Variants in MIER1 observed in about 807,000 individuals in gnomAD.
The protein encoded by MIER1 is MIER1 transcriptional regulator.
A neutral mutation model predicts 75.7 loss-of-function variants in MIER1; 40 were observed. The observed-to-expected ratio is 0.53, with a 90% CI of 0.41 to 0.69. The LOEUF is 0.69. MIER1 is among the 30% of genes least tolerant of loss of function. MIER1 has a pLI of 0.00. For synonymous variants in MIER1, 213 were observed against 223.4 expected, an observed-to-expected ratio of 0.95 and a Z score of 0.42; for missense variants, 574 against 680.2, an observed-to-expected ratio of 0.84 and a Z score of 1.74.
At chr1:66,938,766 C>T (rs1235978744) in intron 2 of MIER1, among the ~76,000 whole-genome samples, 1 of 152,048 alleles carries the variant, frequency 6.6e-6, no homozygotes, top group African/African-American at 2.4e-5. Flanking sequence ...ATATGCAATA[C>T]TGGTTATTGT....
In MIER1 at chr1:66,973,001, GATA is replaced by G. The variant is rs750756685; in HGVS notation, c.1101+13_1101+15del. ...GATTCAGGCTAATAAAGTAAGTAAT[GATA>G]ATCTCTTTTTTGCAAAAAGAAATTT... On this transcript the variant is annotated intron_variant, in intron 11 of 13. Transcript: ENST00000401041. The G allele has an allele frequency of 2.0e-6, 3 of 1,507,738 alleles. No individual in the cohort carries two copies. Among genetic ancestry groups the G allele is most frequent in the Non-Finnish European group, 1.8e-6 (2 of 1,087,130 alleles). 93.4% of individuals were successfully genotyped at this position (1,507,738 alleles called of 1,614,324 possible). A position where few individuals can be genotyped will look rare whatever the true frequency, so the allele number is the denominator to read the frequency against.
chr1:66,946,161 A>G lies in MIER1; in HGVS notation c.205A>G (p.Thr69Ala). The change falls in exon 4 of 14, where the codon ACA (threonine) becomes GCA (alanine). Residue 69 changes from threonine (T) to alanine (A), a missense_variant. Physicochemically the swap from Thr to Ala is moderately conservative, Grantham distance 58. Transcript: ENST00000401041. ...VESSSPGGSATSDDHEFDPSA... is the reference protein window; with the variant it reads ...VESSSPGGSAASDDHEFDPSA... ...ATATTCCTTACCAGGAGGTTCAGCA[A>G]CATCAGATGACCATGAATTTGATCC... is the stretch of plus-strand genomic sequence containing the variant. 6.2e-7 allele frequency: 1 copy of G among 1,607,248 alleles called. No homozygotes were observed. The highest frequency in any genetic ancestry group is 8.5e-7 in the Non-Finnish European group (1 of 1,178,438).
chr1:66,979,925 C>T (rs541210243), intron 12 of MIER1, among the ~76,000 whole-genome samples: 51 of 152,166 alleles, frequency 3.4e-4, no homozygotes, highest in Admixed American at 2.4e-3. Context: ...CCACCACACC[C>T]GGCTAATTTT....
intron 11 of MIER1, among the ~76,000 whole-genome samples, chr1:66,974,137 C>T (rs1664224169): frequency 6.6e-6 from 1 of 151,652 alleles, no homozygotes; most frequent in South Asian, 2.1e-4. Context: ...TGAAGAGCCC[C>T]ACTCCCAATT....
chr1:66,932,266 T>C lies in MIER1; in HGVS notation c.168+6024T>C, dbSNP rs575669191. 2.8e-4 allele frequency among the ~76,000 whole-genome samples: 43 copies of C among 152,342 alleles called. No individual in the cohort carries two copies. The South Asian group carries it at 8.1e-3, about 29-fold the overall frequency. ...TTTTATCAGTTGGAGAATGGAATGTTTTGTGGGAACGCATGGATTGTTCAA... is the reference window on the plus strand; with the variant it reads ...TTTTATCAGTTGGAGAATGGAATGTCTTGTGGGAACGCATGGATTGTTCAA... On this transcript the variant is annotated intron_variant, in intron 2 of 13. Coordinates refer to ENST00000401041, the MANE Select transcript of MIER1 (RefSeq NM_001077700.3).
At chr1:66,934,811 A>G (rs886397364) in intron 2 of MIER1, among the ~76,000 whole-genome samples, 2 of 152,284 alleles carry the variant, frequency 1.3e-5, no homozygotes, top group South Asian at 2.1e-4. Context: ...GAGTAATAAC[A>G]AAGTTAAGTA....
rs1553250183 is a variant in MIER1 at position 66,958,133 on chromosome 1, T to C, written c.414T>C (p.Asp138=). The change falls in exon 5 of 14, where the codon GAT becomes GAC. Residue 138 remains aspartate (D), a synonymous_variant. Transcript: ENST00000401041. ...GTACTGTTCGACTACCTGAAGAAGA[T>C]GAGGAAGAGGAAGAAGAGGAAGAAG... ...YGSTVRLPEE[D]EEEEEEEEEG... 4.3e-6 allele frequency: 7 copies of C among 1,609,384 alleles called. 1 individual carries two copies. In the South Asian group the frequency reaches 4.4e-5, roughly 10 times the overall value.
At chr1:66,934,722 C>G (rs1654354365) in intron 2 of MIER1, among the ~76,000 whole-genome samples, 2 of 152,080 alleles carry the variant, frequency 1.3e-5, no homozygotes, top group Non-Finnish European at 2.9e-5. Context: ...CATTTTACTT[C>G]TGAATTATTA....
rs1316308961 is a variant in MIER1, at chr1:66,987,959, T to C, written c.*3059T>C. On this transcript the variant is annotated 3_prime_UTR_variant, in exon 14 of 14. Transcript: ENST00000401041. ...GCTGGATTATATAATTTAAAAATAA[T>C]GTGTTCCCGTATTTTGTAGTGGAGT... 6.6e-6 allele frequency: 1 copy of C among 152,302 alleles called. No individual in the cohort carries two copies. Among genetic ancestry groups the C allele is most frequent in the Non-Finnish European group, 1.5e-5 (1 of 68,012 alleles). 9.4% of individuals were successfully genotyped at this position (152,302 alleles called of 1,614,324 possible).
chr1:66,966,976 AT>A (rs1662548638), intron 8 of MIER1, among the ~76,000 whole-genome samples: 1 of 151,880 alleles, frequency 6.6e-6, no homozygotes, highest in South Asian at 2.1e-4. Flanking sequence ...CTCTTTGTTG[AT>A]TGTTTCCTTT....
intron 2 of MIER1, among the ~76,000 whole-genome samples, chr1:66,933,216 A>G (rs1653877989): frequency 6.6e-6 from 1 of 152,166 alleles, no homozygotes; most frequent in South Asian, 2.1e-4. Context: ...AAATAAGAGG[A>G]AAATGAGAGA....
At chr1:66,926,120 G>T in intron 1 of MIER1, 22 bp from the exon 2 acceptor site, 1 of 1,590,508 alleles carries the variant, frequency 6.3e-7, no homozygotes, top group East Asian at 2.2e-5. Flanking sequence ...TTGCTACTGA[G>T]GCTCTCTTTC....
intron 4 of MIER1, among the ~76,000 whole-genome samples, chr1:66,954,897 T>TG (rs1290772634): frequency 1.3e-5 from 2 of 151,928 alleles, no homozygotes; most frequent in African/African-American, 4.8e-5. Flanking sequence ...TTAGTGGAGA[T>TG]GGGGTTTTGC....
chr1:66,961,577 C>G lies in MIER1; in HGVS notation c.700-1511C>G, dbSNP rs148998120. Among the ~76,000 whole-genome samples, 291 of 152,300 alleles carry G rather than the reference C, an allele frequency of 1.9e-3. 4 individuals are homozygous for G. Among genetic ancestry groups the G allele is most frequent in the Non-Finnish European group, 2.0e-3 (139 of 68,020 alleles). ...ATCTTTAAACTAATCCAGATGTTCT[C>G]AACCCTGTTTTTATGTTAGAATCAT... On this transcript the variant is annotated intron_variant, in intron 7 of 13. Coordinates refer to ENST00000401041, the MANE Select transcript of MIER1 (RefSeq NM_001077700.3).
intron 4 of MIER1, among the ~76,000 whole-genome samples, chr1:66,949,755 A>G (rs1658487246): frequency 6.6e-6 from 1 of 152,266 alleles, no homozygotes; most frequent in South Asian, 2.1e-4. Context: ...TTGCTTTTAT[A>G]GAAGCAAAAC....
intron 7 of MIER1, among the ~76,000 whole-genome samples, chr1:66,961,709 G>T (rs1471194151): frequency 6.6e-6 from 1 of 152,108 alleles, no homozygotes; most frequent in Non-Finnish European, 1.5e-5. Context: ...CCCCAGCCAG[G>T]GTTAGTAACT....
intron 6 of MIER1, among the ~76,000 whole-genome samples, chr1:66,959,433 G>GT (rs1218033417): frequency 6.6e-6 from 1 of 151,912 alleles, no homozygotes; most frequent in East Asian, 1.9e-4. Context: ...TTCTAAATCA[G>GT]TTTTTTCCCC....
intron 4 of MIER1, among the ~76,000 whole-genome samples, chr1:66,949,418 C>G (rs934717020): frequency 2.6e-5 from 4 of 152,070 alleles, no homozygotes; most frequent in Non-Finnish European, 5.9e-5. Flanking sequence ...TTAAAACTTG[C>G]TTTCAAGTGA....
intron 2 of MIER1, among the ~76,000 whole-genome samples, chr1:66,930,928 C>T (rs575988533): frequency 4.6e-5 from 7 of 152,136 alleles, no homozygotes; most frequent in Non-Finnish European, 8.8e-5. Flanking sequence ...TTAATCTGGC[C>T]AGCCGCAATC....
Sources: allele counts gnomAD v4.1 joint callset (sites outside exome capture counted in the v4.1 genomes callset), GRCh38; gene constraint gnomAD v4.1.1; transcripts MANE v1.5; gene names NCBI Gene and HGNC (gene_info 2026-07-23, HGNC 2026-07-21).